HDGFL3: variants seen among roughly 807,000 people sequenced by gnomAD.
HDGFL3 encodes HDGF like 3.
HDGFL3 carries 6 observed loss-of-function variants against 27.6 expected under a neutral mutation model. That is an observed-to-expected ratio of 0.22 (90% confidence interval 0.12 to 0.43). The LOEUF is 0.43. HDGFL3 is among the 20% of genes least tolerant of loss of function. The pLI, the probability that HDGFL3 is intolerant of heterozygous loss-of-function variation, is 1.00. For synonymous variants in HDGFL3, 88 were observed against 88.9 expected (o/e 0.99, Z 0.05); for missense variants, 207 against 250.1 (o/e 0.83, Z 1.16).
chr15:83,199,855 A>T (rs946770535), intron 1 of HDGFL3, among the ~76,000 whole-genome samples: 2 of 151,294 alleles, frequency 1.3e-5, no homozygotes, highest in Admixed American at 1.3e-4. Flanking sequence ...AGCCTGGCCT[A>T]GATAGTAAAA....
chr15:83,122,063 A>G (rs1241378717), intron 3 of HDGFL3: 1 of 1,304,946 alleles, frequency 7.7e-7, no homozygotes, highest in East Asian at 2.3e-5. Context: ...CTTGTTTTTA[A>G]ATAGAGAAGC....
intron 1 of HDGFL3, among the ~76,000 whole-genome samples, chr15:83,168,037 A>G (rs1317058251): frequency 6.6e-6 from 1 of 152,244 alleles, no homozygotes; most frequent in Non-Finnish European, 1.5e-5. Context: ...TGGAAATTAA[A>G]CAAATTGCTC....
chr15:83,173,334 C>T (rs535032062), intron 1 of HDGFL3, among the ~76,000 whole-genome samples: 7 of 152,276 alleles, frequency 4.6e-5, no homozygotes, highest in Admixed American at 1.3e-4. Context: ...TTGTGTTAGA[C>T]GACTTTGTCC....
intron 5 of HDGFL3, among the ~76,000 whole-genome samples, chr15:83,147,203 C>T (rs1278488142): frequency 6.6e-6 from 1 of 152,074 alleles, no homozygotes; most frequent in Non-Finnish European, 1.5e-5. Flanking sequence ...GTTGGGACTA[C>T]AGGCACGCAC....
intron 1 of HDGFL3, among the ~76,000 whole-genome samples, chr15:83,191,903 T>C (rs2037514226): frequency 6.6e-6 from 1 of 151,832 alleles, no homozygotes; most frequent in African/African-American, 2.4e-5. Context: ...TTGAACCATC[T>C]GTTAAATGCA....
rs1018658762 is a variant in HDGFL3, at chr15:83,196,705, A to G, written c.84+10626T>C. The stretch of plus-strand genomic sequence containing the variant: ...GGGGAAAGGTAGTGAAGATGAGATC[A>G]GAAATTAATGATTTAGAGAAAAAAA... On this transcript the variant is annotated intron_variant, in intron 1 of 5. Transcript: ENST00000299633. 5.9e-5 allele frequency among the ~76,000 whole-genome samples: 9 copies of G among 152,332 alleles called. No homozygotes were observed. The South Asian group carries it at 1.9e-3, about 32-fold the overall frequency.
intron 1 of HDGFL3, among the ~76,000 whole-genome samples, chr15:83,167,100 C>G (rs1221253205): frequency 6.6e-6 from 1 of 152,186 alleles, no homozygotes; most frequent in Non-Finnish European, 1.5e-5. Context: ...GAAAACAAGA[C>G]TTATCTGTCA....
chr15:83,124,216 T>C (rs1166870013), downstream of HDGFL3, among the ~76,000 whole-genome samples: 3 of 152,194 alleles, frequency 2.0e-5, no homozygotes, highest in Non-Finnish European at 2.9e-5. Flanking sequence ...CAGAATTGTT[T>C]ATATACAGGA....
intron 1 of HDGFL3, among the ~76,000 whole-genome samples, chr15:83,200,026 C>G (rs1195600262): frequency 9.0e-6 from 1 of 110,984 alleles, no homozygotes; most frequent in Non-Finnish European, 1.7e-5. Context: ...GCCTGGGCGA[C>G]AAAGCGAAAC....
At chr15:83,150,589 T>C (rs1191479622) in intron 5 of HDGFL3, among the ~76,000 whole-genome samples, 1 of 152,324 alleles carries the variant, frequency 6.6e-6, no homozygotes, top group African/African-American at 2.4e-5. Context: ...TGATTTGACA[T>C]TGTCTAACTA....
intron 5 of HDGFL3, chr15:83,144,679 G>T: frequency 2.7e-6 from 1 of 371,214 alleles, no homozygotes; most frequent in South Asian, 2.0e-5. Flanking sequence ...CTTAGAAGAG[G>T]ATCCATCCCC....
In HDGFL3 at chr15:83,128,372, A is replaced by G. The variant is rs1023947263; in HGVS notation, c.*10898T>C. 6.6e-6 allele frequency: 1 copy of G among 152,204 alleles called. No individual in the cohort carries two copies. Among genetic ancestry groups the G allele is most frequent in the Non-Finnish European group, 1.5e-5 (1 of 68,042 alleles). 9.4% of individuals were successfully genotyped at this position (152,204 alleles called of 1,614,324 possible). ...TTATAAAATTAGCATAGTAGTATCGAAAAAGTTGATGTAGCATCCAGAAGT... is the reference window on the plus strand; with the variant it reads ...TTATAAAATTAGCATAGTAGTATCGGAAAAGTTGATGTAGCATCCAGAAGT... On this transcript the variant is annotated 3_prime_UTR_variant, in exon 6 of 6. Coordinates refer to ENST00000299633, the MANE Select transcript of HDGFL3 (RefSeq NM_016073.4).
At chr15:83,166,007 G>A (rs2037167565) in intron 1 of HDGFL3, among the ~76,000 whole-genome samples, 1 of 151,816 alleles carries the variant, frequency 6.6e-6, no homozygotes, top group Non-Finnish European at 1.5e-5. Context: ...AGAAGAAAAA[G>A]GAAACAACCA....
At chr15:83,202,680 A>G (rs2037662930) in intron 1 of HDGFL3, among the ~76,000 whole-genome samples, 1 of 152,172 alleles carries the variant, frequency 6.6e-6, no homozygotes, top group Non-Finnish European at 1.5e-5. Context: ...CATACAGTAT[A>G]GTGCACAAAT....
chr15:83,123,989 C>T (rs1396985745), downstream of HDGFL3, among the ~76,000 whole-genome samples: 4 of 152,188 alleles, frequency 2.6e-5, no homozygotes, highest in Non-Finnish European at 5.9e-5. Context: ...GCTCCTAGAG[C>T]CCTATCTTCA....
At chr15:83,163,544 A>G (rs2037127109) in intron 2 of HDGFL3, among the ~76,000 whole-genome samples, 1 of 152,222 alleles carries the variant, frequency 6.6e-6, no homozygotes, top group African/African-American at 2.4e-5. Flanking sequence ...TAGTCAGTAC[A>G]CCAACAAATA....
At position 83,167,973 on chromosome 15, in the gene HDGFL3, TGG is replaced by T. The variant is rs572190778; in HGVS notation, c.85-3900_85-3899del. ...TATCAACTATACTCTCAGGCCACAG[TGG>T]AATAAAAACAGAAATCAATACCAAG... On this transcript the variant is annotated intron_variant, in intron 1 of 5. Coordinates refer to ENST00000299633, the MANE Select transcript of HDGFL3 (RefSeq NM_016073.4). 1.8e-4 allele frequency among the ~76,000 whole-genome samples: 27 copies of T among 152,084 alleles called. No homozygotes were observed. The South Asian group carries it at 4.8e-3, about 27-fold the overall frequency.
intron 1 of HDGFL3, among the ~76,000 whole-genome samples, chr15:83,186,618 A>G (rs939399081): frequency 6.6e-6 from 1 of 152,236 alleles, no homozygotes; most frequent in East Asian, 1.9e-4. Flanking sequence ...TTTTAAGTGA[A>G]GTAACTCAAG....
In HDGFL3 at chr15:83,207,589, G is replaced by A; in HGVS notation, c.-175C>T. The A allele has an allele frequency of 5.6e-6, 2 of 354,552 alleles. No individual in the cohort carries two copies. The allele number at this position is 354,552 out of a possible 1,614,324, so 22.0% of individuals were successfully genotyped here. On this transcript the variant is annotated 5_prime_UTR_variant, in exon 1 of 6. Coordinates refer to ENST00000299633, the MANE Select transcript of HDGFL3 (RefSeq NM_016073.4). This position sits in a 1 kb window ranked among gnomAD's most constrained non-coding sequence, Gnocchi z 4.8. Reference sequence around the variant, plus strand: ...GCGGCTGAGGCAAGGGGTGGGCGGGGGGCGCAGCAGGCCCGGCAAATCACG... The same window carrying A: ...GCGGCTGAGGCAAGGGGTGGGCGGGAGGCGCAGCAGGCCCGGCAAATCACG...
Sources: gnomAD v4.1 joint callset for allele counts (sites outside exome capture counted in the v4.1 genomes callset) on GRCh38, gnomAD v4.1.1 for gene constraint, Gnocchi (gnomAD v3.1) non-coding constraint, MANE v1.5 for transcripts, NCBI Gene and HGNC (gene_info 2026-07-23, HGNC 2026-07-21) for gene names.